FAM83G: variants seen among roughly 807,000 people sequenced by gnomAD.
The protein encoded by FAM83G is protein FAM83G.
A neutral mutation model predicts 61.5 loss-of-function variants in FAM83G; 38 were observed. The observed-to-expected ratio is 0.62, with a 90% confidence interval of 0.48 to 0.81. The LOEUF (loss-of-function observed/expected upper bound fraction) is 0.81. Among genes scored for constraint, FAM83G ranks in the 30% least tolerant of loss-of-function variants. The pLI is 0.00. For missense variants in FAM83G, 989 were observed against 1,133.6 expected, an observed-to-expected ratio of 0.87 and a Z score of 1.83; for synonymous variants, 470 against 476.1, an observed-to-expected ratio of 0.99 and a Z score of 0.17.
chr17:18,989,228 G>A (rs1309623084), intron 2 of FAM83G, among the ~76,000 whole-genome samples: 1 of 151,728 alleles, frequency 6.6e-6, no homozygotes, highest in Non-Finnish European at 1.5e-5. Flanking sequence ...ACCACCTGGA[G>A]AAGAGGCCAG....
intron 2 of FAM83G, among the ~76,000 whole-genome samples, chr17:18,990,063 G>A (rs1456317612): frequency 6.6e-6 from 1 of 152,228 alleles, no homozygotes; most frequent in Non-Finnish European, 1.5e-5. Context: ...TGTTTCTGAA[G>A]GGCTGTTTTG....
At chr17:18,984,558 TG>T (rs1445207631) in intron 3 of FAM83G, among the ~76,000 whole-genome samples, 1 of 152,238 alleles carries the variant, frequency 6.6e-6, no homozygotes, top group African/African-American at 2.4e-5. Flanking sequence ...GATGCTTCTT[TG>T]TTCATCAGAA....
At chr17:19,001,318 T>G (rs964947948) in intron 2 of FAM83G, among the ~76,000 whole-genome samples, 2 of 152,222 alleles carry the variant, frequency 1.3e-5, no homozygotes, top group African/African-American at 2.4e-5. Flanking sequence ...TCCTTCTCTG[T>G]GCCTCAGTAT....
Position 18,971,462 on chromosome 17 carries a change from A to C in FAM83G, c.2369T>G (p.Leu790Arg). 1 of 1,613,880 alleles carries C rather than the reference A, an allele frequency of 6.2e-7. No individual in the cohort carries two copies. The highest frequency in any genetic ancestry group is 8.5e-7 in the Non-Finnish European group (1 of 1,179,988). ...PSPFGIPYSK[L>R]SQSKHLKART... ...GGCCTTTAGGTGCTTCGACTGAGAC[A>C]GTTTGGAGTATGGGATTCCGAAGGG... The change falls in exon 6 of 6, where the codon CTG becomes CGG. Residue 790 changes from leucine (L) to arginine (R), a missense_variant. Leu to Arg is a moderately radical substitution (Grantham distance 102). Transcript: ENST00000388995. The surrounding 1 kb of genome is among the most constrained non-coding windows in gnomAD (Gnocchi z 5.5).
In FAM83G at chr17:18,970,793, G is replaced by A. The variant is rs1212514146; in HGVS notation, c.*566C>T. ...CCATGTGCAAAATGCTTACTTAATA[G>A]TATTATTTTAAATACGAATAAAATA... On this transcript the variant is annotated 3_prime_UTR_variant, in exon 6 of 6. Transcript: ENST00000388995. 1 of 574,000 alleles carries A rather than the reference G, an allele frequency of 1.7e-6. No individual in the cohort carries two copies. Among genetic ancestry groups the A allele is most frequent in the Non-Finnish European group, 3.1e-6 (1 of 322,264 alleles). 35.6% of individuals were successfully genotyped at this position (574,000 alleles called of 1,614,324 possible).
Position 18,968,927 on chromosome 17 carries a change from G to C in FAM83G, c.*2432C>G. The stretch of plus-strand genomic sequence containing the variant: ...CGTGATGCAGGCAGGCAGGCGAGTG[G>C]GGGTCTCCCCTCCTTATCCACAGGC... On this transcript the variant is annotated 3_prime_UTR_variant, in exon 6 of 6. Transcript: ENST00000388995. The surrounding 1 kb of genome is among the most constrained non-coding windows in gnomAD (Gnocchi z 4.1). The C allele has an allele frequency of 1.2e-6, 1 of 803,378 alleles. No homozygotes were observed. Among genetic ancestry groups the C allele is most frequent in the Non-Finnish European group, 1.9e-6 (1 of 520,942 alleles). The allele number at this position is 803,378 out of a possible 1,614,324, so 49.8% of individuals were successfully genotyped here. A position where few individuals can be genotyped will look rare whatever the true frequency, so the allele number is the denominator to read the frequency against.
In FAM83G at chr17:19,003,690, C is replaced by G; in HGVS notation, c.352G>C (p.Glu118Gln). The G allele has an allele frequency of 6.2e-7, 1 of 1,608,958 alleles. No homozygotes were observed. Among genetic ancestry groups the G allele is most frequent in the Non-Finnish European group, 8.5e-7 (1 of 1,177,648 alleles). ...CGGTCCGACTTCTGGGGCCAGTACT[C>G]CAGGGAGGGCAGCGGCTCGGCCTCG... ...PIEAEPLPSLEYWPQKSDRSI... is the reference protein window; with the variant it reads ...PIEAEPLPSLQYWPQKSDRSI... Residue 118 changes from glutamate (E) to glutamine (Q), a missense_variant, in exon 2 of 6, where the codon GAG becomes CAG. By Grantham distance (29) the Glu-to-Gln change is conservative. This residue lies in a region of FAM83G where 371 missense variants were observed against 404.5 expected (regional missense o/e 0.92). Coordinates refer to ENST00000388995, the MANE Select transcript of FAM83G (RefSeq NM_001039999.3). The surrounding 1 kb of genome is among the most constrained non-coding windows in gnomAD (Gnocchi z 4.5).
At position 18,969,495 on chromosome 17, in the gene FAM83G, A is replaced by G. The variant is rs1012913370; in HGVS notation, c.*1864T>C. Reference sequence around the variant, plus strand: ...CCTTTGGAGTCTGGCACTGCCCGGCACTGTGCAGGATTCATGCCGTTGGGG... The same window carrying G: ...CCTTTGGAGTCTGGCACTGCCCGGCGCTGTGCAGGATTCATGCCGTTGGGG... On this transcript the variant is annotated 3_prime_UTR_variant, in exon 6 of 6. Coordinates refer to ENST00000388995, the MANE Select transcript of FAM83G (RefSeq NM_001039999.3). 2.1e-6 allele frequency: 3 copies of G among 1,407,676 alleles called. No homozygotes were observed. Among genetic ancestry groups the G allele is most frequent in the Non-Finnish European group, 3.0e-6 (3 of 1,002,396 alleles). 87.2% of individuals were successfully genotyped at this position (1,407,676 alleles called of 1,614,324 possible). A position where few individuals can be genotyped will look rare whatever the true frequency, so the allele number is the denominator to read the frequency against.
rs1029477333 is a variant in FAM83G, at chr17:18,971,065, C to T, written c.*294G>A. ...AGCTGGAGGCAGCCTACGCCCAGGC[C>T]ATTCCCTCCAGGACCATTGCCAACA... On this transcript the variant is annotated 3_prime_UTR_variant, in exon 6 of 6. Coordinates refer to ENST00000388995, the MANE Select transcript of FAM83G (RefSeq NM_001039999.3). This position sits in a 1 kb window ranked among gnomAD's most constrained non-coding sequence, Gnocchi z 5.5. The T allele has an allele frequency of 9.3e-6, 15 of 1,614,112 alleles. No individual in the cohort carries two copies. The highest frequency in any genetic ancestry group is 1.0e-5 in the Non-Finnish European group (12 of 1,180,042).
intron 3 of FAM83G, among the ~76,000 whole-genome samples, chr17:18,985,930 G>A (rs537572054): frequency 6.6e-6 from 1 of 152,364 alleles, no homozygotes; most frequent in Non-Finnish European, 1.5e-5. Context: ...AGAATGTGTG[G>A]TTCTTGCCAG....
rs1342040634 is a variant in FAM83G at position 19,003,984 on chromosome 17, C to T, written c.58G>A (p.Glu20Lys). Residue 20 changes from glutamate to lysine, a missense_variant, in exon 2 of 6, where the codon GAG becomes AAG. Glu to Lys is a moderately conservative substitution (Grantham distance 56). This residue lies in a region of FAM83G where 371 missense variants were observed against 404.5 expected (regional missense o/e 0.92). Transcript: ENST00000388995. This position sits in a 1 kb window ranked among gnomAD's most constrained non-coding sequence, Gnocchi z 4.5. ...CTGTAGAAGAACTCAGGCTTGGACT[C>T]GCTGGAGCGCCAGTTCACATGGTTG... is the stretch of plus-strand genomic sequence containing the variant. ...DDNHVNWRSSESKPEFFYSEE... is the reference protein window; with the variant it reads ...DDNHVNWRSSKSKPEFFYSEE... The T allele has an allele frequency of 6.2e-7, 1 of 1,612,236 alleles. No homozygotes were observed. The highest frequency in any genetic ancestry group is 2.2e-5 in the East Asian group (1 of 44,856).
intron 3 of FAM83G, among the ~76,000 whole-genome samples, chr17:18,983,661 C>T (rs922861574): frequency 1.3e-5 from 2 of 152,200 alleles, no homozygotes; most frequent in Non-Finnish European, 2.9e-5. Flanking sequence ...AGGCCTCCAG[C>T]AGCCTCTACT....
chr17:18,969,513 C>T lies in FAM83G; in HGVS notation c.*1846G>A, dbSNP rs112779390. 38 of 1,249,444 alleles carry T rather than the reference C, an allele frequency of 3.0e-5. 1 individual carries two copies. In the East Asian group the frequency reaches 6.8e-4, roughly 22 times the overall value. The allele number at this position is 1,249,444 out of a possible 1,614,324, so 77.4% of individuals were successfully genotyped here. A position where few individuals can be genotyped will look rare whatever the true frequency, so the allele number is the denominator to read the frequency against. On this transcript the variant is annotated 3_prime_UTR_variant, in exon 6 of 6. Coordinates refer to ENST00000388995, the MANE Select transcript of FAM83G (RefSeq NM_001039999.3). ...GCCCGGCACTGTGCAGGATTCATGC[C>T]GTTGGGGTTCTGGGTAGCATCGCTG...
chr17:18,974,375 A>T (rs553116435), intron 5 of FAM83G, among the ~76,000 whole-genome samples: 1 of 152,340 alleles, frequency 6.6e-6, no homozygotes, highest in Admixed American at 6.5e-5. Flanking sequence ...AAACAAAACC[A>T]GTAACAAAGA....
chr17:18,977,914 A>G lies in FAM83G; in HGVS notation c.1752T>C (p.Asp584=), dbSNP rs750961572. The change falls in exon 5 of 6, where the codon GAT becomes GAC. Residue 584 remains aspartate, a synonymous_variant. Coordinates refer to ENST00000388995, the MANE Select transcript of FAM83G (RefSeq NM_001039999.3). Reference sequence around the variant, plus strand: ...GGTCACTGAGGGTTACGTAGTCGTCATCATCTTCTTCTTCCACCCCATCCA... The same window carrying G: ...GGTCACTGAGGGTTACGTAGTCGTCGTCATCTTCTTCTTCCACCCCATCCA... ...NGLDGVEEED[D]DDYVTLSDQD... is the part of the protein sequence containing the mutation. 7.5e-6 allele frequency: 12 copies of G among 1,610,068 alleles called. No homozygotes were observed. The highest frequency in any genetic ancestry group is 1.7e-5 in the Admixed American group (1 of 59,924).
rs1193960312 is a variant in FAM83G at position 18,978,183 on chromosome 17, G to T, written c.1483C>A (p.Gln495Lys). 2 of 1,548,122 alleles carry T rather than the reference G, an allele frequency of 1.3e-6. No individual in the cohort carries two copies. Among genetic ancestry groups the T allele is most frequent in the Non-Finnish European group, 1.7e-6 (2 of 1,149,054 alleles). The stretch of plus-strand genomic sequence containing the variant: ...GGGGGCAATGGCTCAGGGTCCCCCT[G>T]GGGGAGGCCGTTCTCAGCTGGGACA... ...DGVPAENGLP[Q>K]GDPEPLPPVP... The change falls in exon 5 of 6, where the codon CAG becomes AAG. Residue 495 changes from glutamine to lysine, a missense_variant. Gln to Lys is a moderately conservative substitution (Grantham distance 53). Around this residue, in one of 3 missense-constraint regions of FAM83G, gnomAD observed 574 missense variants for 645.1 expected, o/e 0.89. Coordinates refer to ENST00000388995, the MANE Select transcript of FAM83G (RefSeq NM_001039999.3).
rs534959695 is a variant in FAM83G at position 19,003,201 on chromosome 17, G to A, written c.522+319C>T. Reference sequence around the variant, plus strand: ...AAGGGAGAGTGAGAGGAAGCCCTGGGGTTCCTCCCCTCCCCACTCCACCCT... The same window carrying A: ...AAGGGAGAGTGAGAGGAAGCCCTGGAGTTCCTCCCCTCCCCACTCCACCCT... On this transcript the variant is annotated intron_variant, in intron 2 of 5. Coordinates refer to ENST00000388995, the MANE Select transcript of FAM83G (RefSeq NM_001039999.3). The surrounding 1 kb of genome is among the most constrained non-coding windows in gnomAD (Gnocchi z 4.5). 2.6e-4 allele frequency among the ~76,000 whole-genome samples: 39 copies of A among 150,192 alleles called. No homozygotes were observed. Among genetic ancestry groups the A allele is most frequent in the African/African-American group, 9.3e-4 (38 of 40,840 alleles).
At chr17:18,989,924 T>G (rs1413531187) in intron 2 of FAM83G, among the ~76,000 whole-genome samples, 2 of 152,176 alleles carry the variant, frequency 1.3e-5, no homozygotes, top group African/African-American at 4.8e-5. Context: ...ACGTTTAGTC[T>G]CGGAGAGCCT....
In FAM83G at chr17:19,000,706, A is replaced by G. The variant is rs556459958; in HGVS notation, c.522+2814T>C. Reference sequence around the variant, plus strand: ...GTGTGCGGCAAGGCGGCCCAGGCAGAGGGATCCCCATCCTAGGCAGGGGGC... The same window carrying G: ...GTGTGCGGCAAGGCGGCCCAGGCAGGGGGATCCCCATCCTAGGCAGGGGGC... On this transcript the variant is annotated intron_variant, in intron 2 of 5. Coordinates refer to ENST00000388995, the MANE Select transcript of FAM83G (RefSeq NM_001039999.3). The surrounding 1 kb of genome is among the most constrained non-coding windows in gnomAD (Gnocchi z 5.2). Among the ~76,000 whole-genome samples the G allele has an allele frequency of 6.6e-6, 1 of 152,264 alleles. No individual in the cohort carries two copies. The highest frequency in any genetic ancestry group is 2.1e-4 in the South Asian group (1 of 4,826).
Sources: gnomAD v4.1 joint callset for allele counts (sites outside exome capture counted in the v4.1 genomes callset) on GRCh38, gnomAD v4.1.1 for gene constraint, gnomAD v4.1.1 regional missense constraint, Gnocchi (gnomAD v3.1) non-coding constraint, MANE v1.5 for transcripts, NCBI Gene and HGNC (gene_info 2026-07-23, HGNC 2026-07-21) for gene names.